The following PLXNB1 variants were observed in gnomAD, a reference collection of about 807,000 sequenced individuals.
PLXNB1 encodes the protein plexin-B1.
In PLXNB1, 106 loss-of-function variants were observed where a neutral mutation model predicts 209.4. The ratio of observed to expected loss-of-function variants is 0.51; its 90% CI spans 0.43 to 0.59. The LOEUF is 0.59. Ranked by LOEUF, PLXNB1 falls within the 20% of genes least tolerant of loss-of-function variation. PLXNB1 has a pLI of 0.00. For synonymous variants in PLXNB1, 1,167 were observed against 1,183.2 expected (o/e 0.99, Z 0.28); for missense variants, 2,357 against 2,853.2 (o/e 0.83, Z 3.96).
chr3:48,413,584 T>C lies in PLXNB1; in HGVS notation c.4535+86A>G, dbSNP rs2037848725. 1 of 1,368,096 alleles carries C rather than the reference T, an allele frequency of 7.3e-7. No homozygotes were observed. 84.7% of individuals were successfully genotyped at this position (1,368,096 alleles called of 1,614,324 possible). On this transcript the variant is annotated intron_variant, in intron 23 of 37. Coordinates refer to ENST00000296440, the MANE Select transcript of PLXNB1 (RefSeq NM_001130082.3). The surrounding 1 kb of genome is among the most constrained non-coding windows in gnomAD (Gnocchi z 5.4). ...TCTCTGGCCATTTACAGAGAATGTTTCCTGACTCCTGGCCCGGTCTGTCCC... is the reference window on the plus strand; with the variant it reads ...TCTCTGGCCATTTACAGAGAATGTTCCCTGACTCCTGGCCCGGTCTGTCCC...
chr3:48,406,762 G>C lies in PLXNB1; in HGVS notation c.6228+61C>G. On this transcript the variant is annotated intron_variant, in intron 36 of 37. Coordinates refer to ENST00000296440, the MANE Select transcript of PLXNB1 (RefSeq NM_001130082.3). This position sits in a 1 kb window ranked among gnomAD's most constrained non-coding sequence, Gnocchi z 4.4. ...TTCCCTGCAAAGGGGCAGTGTGAAG[G>C]GGGAAGGACCGTTGTGGCAGGAGGC... 4 of 1,545,376 alleles carry C rather than the reference G, an allele frequency of 2.6e-6. No individual in the cohort carries two copies. Among genetic ancestry groups the C allele is most frequent in the South Asian group, 2.4e-5 (2 of 82,910 alleles).
In PLXNB1 at chr3:48,409,692, T is replaced by G; in HGVS notation, c.5818A>C (p.Ile1940Leu). ...QKFVDDLFQV[I>L]LSTSRPVPLA... is the part of the protein sequence containing the mutation. ...GGCACGGGGCGGCTGGTGCTGAGAA[T>G]CACCTGGAACAGGTCATCCACGAAC... The change falls in exon 33 of 38, where the codon ATT (isoleucine) becomes CTT (leucine). Residue 1940 changes from isoleucine (I) to leucine (L), a missense_variant. This residue lies in a region of PLXNB1 where 414 missense variants were observed against 520.5 expected (regional missense o/e 0.80). Coordinates refer to ENST00000296440, the MANE Select transcript of PLXNB1 (RefSeq NM_001130082.3). This position sits in a 1 kb window ranked among gnomAD's most constrained non-coding sequence, Gnocchi z 5.8. 5 of 1,613,792 alleles carry G rather than the reference T, an allele frequency of 3.1e-6. No individual in the cohort carries two copies. The highest frequency in any genetic ancestry group is 4.2e-6 in the Non-Finnish European group (5 of 1,179,998).
Position 48,414,043 on chromosome 3 carries a change from T to C in PLXNB1, c.4238A>G (p.Lys1413Arg), listed in dbSNP as rs1192992974. 6.2e-7 allele frequency: 1 copy of C among 1,613,768 alleles called. No individual in the cohort carries two copies. Among genetic ancestry groups the C allele is most frequent in the African/African-American group, 1.3e-5 (1 of 74,896 alleles). ...CCCTATCATAGCCACCACCTCCTCC[T>C]TGGACATTGCAAGGTCCAGGTTCTC... ...EGENLDLAMS[K>R]EEVVAMIGDG... is the part of the protein sequence containing the mutation. Residue 1413 changes from lysine to arginine, a missense_variant, in exon 22 of 38, where the codon AAG becomes AGG. Lys to Arg is a conservative substitution (Grantham distance 26, BLOSUM62 2). Transcript: ENST00000296440.
At position 48,415,852 on chromosome 3, in the gene PLXNB1, A is replaced by G; in HGVS notation, c.3618-93T>C. The G allele has an allele frequency of 7.3e-7, 1 of 1,374,486 alleles. No individual in the cohort carries two copies. 85.1% of individuals were successfully genotyped at this position (1,374,486 alleles called of 1,614,324 possible). On this transcript the variant is annotated intron_variant, in intron 18 of 37. Transcript: ENST00000296440. The surrounding 1 kb of genome is among the most constrained non-coding windows in gnomAD (Gnocchi z 5.0). The stretch of plus-strand genomic sequence containing the variant: ...CTGGCTTCCCTCAAGCGCTGACTGC[A>G]GTCTCCACCAGGTGTCCCTGGAGGT...
At position 48,409,944 on chromosome 3, in the gene PLXNB1, G is replaced by A; in HGVS notation, c.5739C>T (p.Ala1913=). The change falls in exon 32 of 38, where the codon GCC becomes GCT. Residue 1913 remains alanine, a synonymous_variant. Transcript: ENST00000296440. This position sits in a 1 kb window ranked among gnomAD's most constrained non-coding sequence, Gnocchi z 5.8. ...LRGGERERAK[A]IPEIYLTRLL... Reference sequence around the variant, plus strand: ...GGCGGGTCAGGTAGATCTCAGGGATGGCCTTGGCGCGCTCACGCTCCCCGC... The same window carrying A: ...GGCGGGTCAGGTAGATCTCAGGGATAGCCTTGGCGCGCTCACGCTCCCCGC... The A allele has an allele frequency of 6.2e-7, 1 of 1,611,494 alleles. No individual in the cohort carries two copies. The highest frequency in any genetic ancestry group is 8.5e-7 in the Non-Finnish European group (1 of 1,179,242).
At position 48,413,115 on chromosome 3, in the gene PLXNB1, C is replaced by T. The variant is rs777324512; in HGVS notation, c.4590G>A (p.Glu1530=). Residue 1530 remains glutamate (E), a synonymous_variant, in exon 24 of 38, where the codon GAG becomes GAA. Transcript: ENST00000296440. This position sits in a 1 kb window ranked among gnomAD's most constrained non-coding sequence, Gnocchi z 5.4. ...RDYKKVQIQL[E]NLESSVRDRC... is the part of the protein sequence containing the mutation. ...GGTCCCGCACACTGCTCTCCAGATT[C>T]TCCAGCTGGATCTGAACCTTCTTAT... The T allele has an allele frequency of 6.2e-7, 1 of 1,613,944 alleles. No individual in the cohort carries two copies. The highest frequency in any genetic ancestry group is 8.5e-7 in the Non-Finnish European group (1 of 1,179,984).
At position 48,406,528 on chromosome 3, in the gene PLXNB1, C is replaced by T; in HGVS notation, c.6228+295G>A. 1 of 976,658 alleles carries T rather than the reference C, an allele frequency of 1.0e-6. No homozygotes were observed. Among genetic ancestry groups the T allele is most frequent in the Non-Finnish European group, 1.2e-6 (1 of 822,002 alleles). The allele number at this position is 976,658 out of a possible 1,614,324, so 60.5% of individuals were successfully genotyped here. A position where few individuals can be genotyped will look rare whatever the true frequency, so the allele number is the denominator to read the frequency against. On this transcript the variant is annotated intron_variant, in intron 36 of 37. Transcript: ENST00000296440. This position sits in a 1 kb window ranked among gnomAD's most constrained non-coding sequence, Gnocchi z 4.4. ...AAGCACAGCAGTGGGAAGACGCATG[C>T]AGGCAGACCCAGGCAGGCCTGGGGC...
In PLXNB1 at chr3:48,409,761, GTCAGCAAAGGGCCC is replaced by G; in HGVS notation, c.5779-44_5779-31del. Reference sequence around the variant, plus strand: ...GGGAAGGAAGAAGCAGAGAGGTGTGGTCAGCAAAGGGCCCTCAGCAGCAGCCCAGCCTCAGACAC... The same window carrying G: ...GGGAAGGAAGAAGCAGAGAGGTGTGGTCAGCAGCAGCCCAGCCTCAGACAC... On this transcript the variant is annotated intron_variant, in intron 32 of 37. Coordinates refer to ENST00000296440, the MANE Select transcript of PLXNB1 (RefSeq NM_001130082.3). The surrounding 1 kb of genome is among the most constrained non-coding windows in gnomAD (Gnocchi z 5.8). 1 of 1,607,738 alleles carries G rather than the reference GTCAGCAAAGGGCCC, an allele frequency of 6.2e-7. No homozygotes were observed. Among genetic ancestry groups the G allele is most frequent in the Non-Finnish European group, 8.5e-7 (1 of 1,176,570 alleles).
chr3:48,423,032 C>A lies in PLXNB1; in HGVS notation c.1108-85G>T, dbSNP rs769563362. On this transcript the variant is annotated intron_variant, in intron 3 of 37. Coordinates refer to ENST00000296440, the MANE Select transcript of PLXNB1 (RefSeq NM_001130082.3). ...TCCCTGGACAACCTCATTCCCTCCC[C>A]CAGCCGCTCTGGTAGCTCTCCCTGT... is the stretch of plus-strand genomic sequence containing the variant. 48 of 1,217,456 alleles carry A rather than the reference C, an allele frequency of 3.9e-5. 1 individual carries two copies. In the Middle Eastern group the frequency reaches 2.3e-3, roughly 58 times the overall value. 75.4% of individuals were successfully genotyped at this position (1,217,456 alleles called of 1,614,324 possible).
chr3:48,406,830 A>T lies in PLXNB1; in HGVS notation c.6221T>A (p.Leu2074Gln). 6.2e-7 allele frequency: 1 copy of T among 1,609,496 alleles called. No homozygotes were observed. The highest frequency in any genetic ancestry group is 8.5e-7 in the Non-Finnish European group (1 of 1,177,786). The change falls in exon 36 of 38, where the codon CTG becomes CAG. Residue 2074 changes from leucine (L) to glutamine (Q), a missense_variant. Physicochemically the swap from Leu to Gln is moderately radical, Grantham distance 113 (BLOSUM62 -2). Coordinates refer to ENST00000296440, the MANE Select transcript of PLXNB1 (RefSeq NM_001130082.3). The surrounding 1 kb of genome is among the most constrained non-coding windows in gnomAD (Gnocchi z 4.4). Reference sequence around the variant, plus strand: ...AGCAGAGGGAGGCCTTACCCAGGACAGTTCAGCCAGGACAGAGTTCATCTC... The same window carrying T: ...AGCAGAGGGAGGCCTTACCCAGGACTGTTCAGCCAGGACAGAGTTCATCTC... ...DQEMNSVLAE[L>Q]SWNYSGDLGA...
rs748537437 is a variant in PLXNB1 at position 48,413,581 on chromosome 3, G to A, written c.4535+89C>T. 5.9e-6 allele frequency: 8 copies of A among 1,345,002 alleles called. No individual in the cohort carries two copies. Among genetic ancestry groups the A allele is most frequent in the Non-Finnish European group, 8.1e-6 (8 of 992,736 alleles). The allele number at this position is 1,345,002 out of a possible 1,614,324, so 83.3% of individuals were successfully genotyped here. ...TACTCTCTGGCCATTTACAGAGAAT[G>A]TTTCCTGACTCCTGGCCCGGTCTGT... On this transcript the variant is annotated intron_variant, in intron 23 of 37. Transcript: ENST00000296440. This position sits in a 1 kb window ranked among gnomAD's most constrained non-coding sequence, Gnocchi z 5.4.
Position 48,424,206 on chromosome 3 carries a change from G to T in PLXNB1, c.406C>A (p.Arg136=), listed in dbSNP as rs1039548834. ...GCCACATATTGTGTGTCCCCAGGCC[G>T]CTCTGGCCGCAGCAGCAGCTGCTCG... is the stretch of plus-strand genomic sequence containing the variant. The part of the protein sequence containing the change: ...QLEQLLLRPE[R]PGDTQYVAAN... The change falls in exon 3 of 38, where the codon CGG becomes AGG. Residue 136 remains arginine, a synonymous_variant. Transcript: ENST00000296440. The T allele has an allele frequency of 1.3e-6, 2 of 1,597,258 alleles. No individual in the cohort carries two copies. The highest frequency in any genetic ancestry group is 1.7e-5 in the Admixed American group (1 of 58,872).
At chr3:48,425,592 C>T (rs1270424795) in intron 1 of PLXNB1, among the ~76,000 whole-genome samples, 1 of 152,026 alleles carries the variant, frequency 6.6e-6, no homozygotes, top group African/African-American at 2.4e-5. Context: ...GAAGGAGCCC[C>T]GTGGCTGGCA....
At position 48,409,347 on chromosome 3, in the gene PLXNB1, G is replaced by C. The variant is rs138316132; in HGVS notation, c.6069C>G (p.Ala2023=). Residue 2023 remains alanine, a synonymous_variant, in exon 34 of 38, where the codon GCC becomes GCG. Transcript: ENST00000296440. The surrounding 1 kb of genome is among the most constrained non-coding windows in gnomAD (Gnocchi z 5.8). ...AQTFMDACTL[A]DHKLGRDSPI... Reference sequence around the variant, plus strand: ...CGCTCACCCGGCCCAGCTTGTGGTCGGCCAGGGTGCAGGCGTCCATGAAGG... The same window carrying C: ...CGCTCACCCGGCCCAGCTTGTGGTCCGCCAGGGTGCAGGCGTCCATGAAGG... 1 of 1,613,990 alleles carries C rather than the reference G, an allele frequency of 6.2e-7. No homozygotes were observed. Among genetic ancestry groups the C allele is most frequent in the Admixed American group, 1.7e-5 (1 of 60,004 alleles).
chr3:48,414,136 G>T (rs2037904517), intron 21 of PLXNB1, 65 bp from the exon 22 acceptor site: 4 of 1,519,678 alleles, frequency 2.6e-6, no homozygotes, highest in South Asian at 2.2e-5. Context: ...CTCCCCAAAT[G>T]TGGGAAGGAC....
rs549153280 is a variant in PLXNB1, at chr3:48,423,415, G to A, written c.1107+90C>T. On this transcript the variant is annotated intron_variant, in intron 3 of 37. Transcript: ENST00000296440. ...GATCATCCTCGTGCTACCACCAGCT[G>A]CCCTCGGACTCTCTGGGCAGCTCCT... 18 of 1,400,360 alleles carry A rather than the reference G, an allele frequency of 1.3e-5. No individual in the cohort carries two copies. In the African/African-American group the frequency reaches 2.3e-4, roughly 18 times the overall value. The allele number at this position is 1,400,360 out of a possible 1,614,324, so 86.7% of individuals were successfully genotyped here.
At chr3:48,425,015 G>T (rs1045703764) in intron 2 of PLXNB1, among the ~76,000 whole-genome samples, 1 of 152,198 alleles carries the variant, frequency 6.6e-6, no homozygotes, top group Non-Finnish European at 1.5e-5. Flanking sequence ...GCTCTACATG[G>T]ATGAGGGTTT....
intron 10 of PLXNB1, 59 bp from the exon 11 acceptor site, chr3:48,420,316 G>A: frequency 2.1e-6 from 2 of 969,520 alleles, no homozygotes; most frequent in Non-Finnish European, 3.1e-6. Context: ...CGCGGGACAG[G>A]AGGCAGGCAG....
rs781696779 is a variant in PLXNB1, at chr3:48,415,566, C to A, written c.3794+17G>T. On this transcript the variant is annotated intron_variant, in intron 19 of 37. Transcript: ENST00000296440. The surrounding 1 kb of genome is among the most constrained non-coding windows in gnomAD (Gnocchi z 5.0). ...CTCCCTGCCACCTGCCATGCAGCCACACCCCTGGCCCAACACCTGAGGAAG... is the reference window on the plus strand; with the variant it reads ...CTCCCTGCCACCTGCCATGCAGCCAAACCCCTGGCCCAACACCTGAGGAAG... 2.6e-6 allele frequency: 4 copies of A among 1,554,460 alleles called. No homozygotes were observed. In the African/African-American group the frequency reaches 4.1e-5, roughly 16 times the overall value.
Sources: allele counts gnomAD v4.1 joint callset (sites outside exome capture counted in the v4.1 genomes callset), GRCh38; gene constraint gnomAD v4.1.1; regional missense constraint gnomAD v4.1.1; non-coding constraint Gnocchi (gnomAD v3.1); transcripts MANE v1.5; gene names NCBI Gene and HGNC (gene_info 2026-07-23, HGNC 2026-07-21).